The following AMMECR1 variants were observed in gnomAD, a reference collection of about 807,000 sequenced individuals.
The protein encoded by AMMECR1 is nuclear protein AMMECR1.
In AMMECR1, 3 loss-of-function variants were observed where a neutral mutation model predicts 22.5. That is an observed-to-expected ratio of 0.13 (90% CI 0.06 to 0.35). The LOEUF (loss-of-function observed/expected upper bound fraction) is 0.35. AMMECR1 is among the 10% of genes least tolerant of loss of function. The pLI is 1.00. For missense variants in AMMECR1, 235 were observed against 278.7 expected (o/e 0.84, Z 1.12); for synonymous variants, 130 against 116.7 (o/e 1.11, Z -0.74).
At chrX:110,338,990 G>T (rs1004933793) in intron 2 of AMMECR1, among the ~76,000 whole-genome samples, 29 of 111,572 alleles carry the variant, frequency 2.6e-4, no homozygotes, top group Non-Finnish European at 4.9e-4. Context: ...CATACCTTGG[G>T]TTTCTGCCAG....
chrX:110,312,296 C>A (rs2068026961), intron 1 of AMMECR1, among the ~76,000 whole-genome samples: 1 of 112,604 alleles, frequency 8.9e-6, no homozygotes, highest in Admixed American at 9.4e-5. Flanking sequence ...TTTCAAAAAG[C>A]ATACAGTTTT....
intron 2 of AMMECR1, among the ~76,000 whole-genome samples, chrX:110,375,060 A>C (rs140471599): frequency 0.01 from 1,118 of 111,616 alleles, 5 homozygotes; most frequent in Non-Finnish European, 0.015. Context: ...GGGTTACTGG[A>C]TAGGTTATAT....
At chrX:110,277,851 T>C (rs1325499993) in intron 1 of AMMECR1, among the ~76,000 whole-genome samples, 1 of 111,964 alleles carries the variant, frequency 8.9e-6, no homozygotes. Context: ...TTTCCTTCTT[T>C]AAGCCCATGC....
intron 1 of AMMECR1, among the ~76,000 whole-genome samples, chrX:110,436,029 A>G (rs763024822): frequency 7.1e-5 from 8 of 112,659 alleles, no homozygotes; most frequent in Non-Finnish European, 1.1e-4. Context: ...CCACTGTGCT[A>G]TTAACCAGTA....
intron 2 of AMMECR1, among the ~76,000 whole-genome samples, chrX:110,339,493 TTTA>T (rs998069433): frequency 4.6e-5 from 5 of 109,658 alleles, no homozygotes; most frequent in Admixed American, 9.7e-5. Context: ...TATTTTTATT[TTTA>T]TTATTATTAT....
intron 1 of AMMECR1, among the ~76,000 whole-genome samples, chrX:110,272,875 T>G (rs758754116): frequency 8.9e-6 from 1 of 112,290 alleles, no homozygotes; most frequent in Non-Finnish European, 1.9e-5. Context: ...TATTTCATGG[T>G]GCATGACACA....
chrX:110,419,218 T>G (rs1483034256), intron 2 of AMMECR1: 8 of 112,397 alleles, frequency 7.1e-5, no homozygotes, highest in African/African-American at 9.7e-5. Context: ...ACCTCCCTCC[T>G]AGGGCTCTGT....
chrX:110,333,286 TTTTG>T (rs2068128005), intron 2 of AMMECR1, among the ~76,000 whole-genome samples: 1 of 111,560 alleles, frequency 9.0e-6, no homozygotes, highest in Admixed American at 9.5e-5. Flanking sequence ...ATGTGACATT[TTTTG>T]CCAGTTGTTA....
intron 2 of AMMECR1, among the ~76,000 whole-genome samples, chrX:110,353,289 A>T (rs1292053119): frequency 9.0e-6 from 1 of 111,471 alleles, no homozygotes; most frequent in Non-Finnish European, 1.9e-5. Flanking sequence ...TGTTTTCTAA[A>T]TTTTTTTAGT....
rs1231797653 is a variant in AMMECR1, at chrX:110,194,244, C to T, written c.*4276G>A. On this transcript the variant is annotated 3_prime_UTR_variant, in exon 6 of 6. Coordinates refer to ENST00000262844, the MANE Select transcript of AMMECR1 (RefSeq NM_015365.3). ...AAAGGTAATAACAATAGTGTCAAAACTACTACAATATCTTTCCACAGCCAT... is the reference window on the plus strand; with the variant it reads ...AAAGGTAATAACAATAGTGTCAAAATTACTACAATATCTTTCCACAGCCAT... 1 of 112,181 alleles carries T rather than the reference C, an allele frequency of 8.9e-6. No homozygotes were observed. Among genetic ancestry groups the T allele is most frequent in the East Asian group, 2.8e-4 (1 of 3,617 alleles). The allele number at this position is 112,181 out of a possible 1,213,427, so 9.2% of individuals were successfully genotyped here.
chrX:110,370,385 T>C (rs2068329814), intron 2 of AMMECR1, among the ~76,000 whole-genome samples: 1 of 110,530 alleles, frequency 9.0e-6, no homozygotes, highest in African/African-American at 3.3e-5. Context: ...ATTTTTGTAT[T>C]TTTAGTAGAG....
intron 1 of AMMECR1, among the ~76,000 whole-genome samples, chrX:110,310,596 G>T (rs1200953597): frequency 8.9e-6 from 1 of 111,804 alleles, no homozygotes; most frequent in Non-Finnish European, 1.9e-5. Context: ...CATTTCAACA[G>T]AGCTGTTTAA....
At chrX:110,321,974 C>G (rs2068080624), upstream of AMMECR1, among the ~76,000 whole-genome samples, 2 of 112,282 alleles carry the variant, frequency 1.8e-5, no homozygotes, top group South Asian at 7.3e-4. Context: ...ACCTACTTTT[C>G]AATTCAAATT....
chrX:110,380,410 G>A (rs980820453), intron 2 of AMMECR1, among the ~76,000 whole-genome samples: 4 of 111,377 alleles, frequency 3.6e-5, no homozygotes, highest in African/African-American at 1.3e-4. Context: ...GATCTCTACA[G>A]GGAGAATTAA....
chrX:110,315,110 C>A lies in AMMECR1; in HGVS notation c.473+2489G>T, dbSNP rs1421855521. Among the ~76,000 whole-genome samples the A allele has an allele frequency of 2.7e-5, 3 of 111,797 alleles. No individual in the cohort carries two copies. In the East Asian group the frequency reaches 8.4e-4, roughly 31 times the overall value. ...CAATATGTCTGTTTATGTCTTATGG[C>A]ACTTAGGATAAAGCAACACTAATAA... is the stretch of plus-strand genomic sequence containing the variant. On this transcript the variant is annotated intron_variant, in intron 1 of 5. Transcript: ENST00000262844.
At position 110,351,798 on chromosome X, in the gene AMMECR1, G is replaced by A. The variant is rs1205942835; in HGVS notation, c.-147-33949C>T. Among the ~76,000 whole-genome samples, 7 of 112,040 alleles carry A rather than the reference G, an allele frequency of 6.2e-5. No homozygotes were observed. The Admixed American group carries it at 6.6e-4, about 11-fold the overall frequency. ...TCAAAGGAAATGAAAAGACAACCCA[G>A]AGAATAAGATGTGAAAGTGTTTGCA... On this transcript the variant is annotated intron_variant, in intron 2 of 7. Transcript: ENST00000372057.
intron 2 of AMMECR1, among the ~76,000 whole-genome samples, chrX:110,234,756 C>T (rs2067591089): frequency 1.8e-5 from 2 of 111,401 alleles, no homozygotes; most frequent in Non-Finnish European, 3.8e-5. Flanking sequence ...ATAAATGGTG[C>T]TGGGAAAACT....
At position 110,216,500 on chromosome X, in the gene AMMECR1, A is replaced by AT. The variant is rs778241764; in HGVS notation, c.699+17dup. The AT allele has an allele frequency of 5.4e-5, 62 of 1,138,769 alleles. No homozygotes were observed. In the South Asian group the frequency reaches 1.1e-3, roughly 20 times the overall value. 93.8% of individuals were successfully genotyped at this position (1,138,769 alleles called of 1,213,427 possible). A position where few individuals can be genotyped will look rare whatever the true frequency, so the allele number is the denominator to read the frequency against. ...GAGTTACCTTCATTTTTCTTTAAAAATTTTTCTATAATCTTACCTCCCAGT... is the reference window on the plus strand; with the variant it reads ...GAGTTACCTTCATTTTTCTTTAAAAATTTTTTCTATAATCTTACCTCCCAGT... On this transcript the variant is annotated intron_variant, in intron 3 of 5. Coordinates refer to ENST00000262844, the MANE Select transcript of AMMECR1 (RefSeq NM_015365.3).
intron 3 of AMMECR1, among the ~76,000 whole-genome samples, chrX:110,209,868 T>C (rs2067438848): frequency 9.4e-6 from 1 of 106,404 alleles, no homozygotes; most frequent in African/African-American, 3.7e-5. Context: ...AATTAAATGC[T>C]GGGGACACAC....
Sources: allele counts gnomAD v4.1 joint callset (sites outside exome capture counted in the v4.1 genomes callset), GRCh38; gene constraint gnomAD v4.1.1; transcripts MANE v1.5; gene names NCBI Gene and HGNC (gene_info 2026-07-23, HGNC 2026-07-21).